STX1A: variants seen among roughly 807,000 people sequenced by gnomAD.
STX1A encodes the protein syntaxin-1A.
Under a neutral mutation model 37.8 loss-of-function variants are expected in STX1A, and 4 were observed. That is an observed-to-expected ratio of 0.11 (90% CI 0.05 to 0.24). The LOEUF (loss-of-function observed/expected upper bound fraction) is 0.24, where lower values mean the gene tolerates loss of function less well. Ranked by LOEUF, STX1A falls within the 10% of genes least tolerant of loss-of-function variation. The probability of loss-of-function intolerance (pLI) is 1.00; values close to 1 mark genes in which losing one functional copy is unlikely to be tolerated. For synonymous variants in STX1A, 135 were observed against 147.4 expected, an observed-to-expected ratio of 0.92 and a Z score of 0.61; for missense variants, 251 against 399.9, an observed-to-expected ratio of 0.63 and a Z score of 3.18.
intron 1 of STX1A, among the ~76,000 whole-genome samples, chr7:73,715,002 G>A (rs782273090): frequency 1.3e-5 from 2 of 152,144 alleles, no homozygotes; most frequent in Non-Finnish European, 1.5e-5. Context: ...GTGCATGCCT[G>A]TAATCCCAGC....
intron 1 of STX1A, among the ~76,000 whole-genome samples, chr7:73,718,360 G>A (rs1244520454): frequency 6.6e-6 from 1 of 152,156 alleles, no homozygotes; most frequent in Non-Finnish European, 1.5e-5. Context: ...GGATGCCCAG[G>A]AGGCAACCAT....
At position 73,717,125 on chromosome 7, in the gene STX1A, G is replaced by A. The variant is rs1435236296; in HGVS notation, c.30+2477C>T. On this transcript the variant is annotated intron_variant, in intron 1 of 9. Coordinates refer to ENST00000222812, the MANE Select transcript of STX1A (RefSeq NM_004603.4). This position sits in a 1 kb window ranked among gnomAD's most constrained non-coding sequence, Gnocchi z 4.1. ...AAACGCGCCAGCTCCTTCCCCAAGT[G>A]TGACTTTTATAAATAAGCTCTCTTC... Among the ~76,000 whole-genome samples the A allele has an allele frequency of 9.3e-5, 14 of 151,258 alleles. No homozygotes were observed. Among genetic ancestry groups the A allele is most frequent in the African/African-American group, 2.7e-4 (11 of 41,198 alleles).
intron 1 of STX1A, 113 bp downstream of exon 1, chr7:73,719,489 G>T: frequency 9.5e-7 from 1 of 1,056,876 alleles, no homozygotes; most frequent in Non-Finnish European, 1.2e-6. Flanking sequence ...TTCAGCCCTG[G>T]CTGGGGGCGC....
chr7:73,716,925 CTT>C (rs879963832), intron 1 of STX1A, among the ~76,000 whole-genome samples: 9 of 152,260 alleles, frequency 5.9e-5, no homozygotes, highest in Admixed American at 4.6e-4. Flanking sequence ...TTCGGTCTCT[CTT>C]TGTTACCTGT....
intron 1 of STX1A, among the ~76,000 whole-genome samples, chr7:73,718,039 C>T (rs1799351116): frequency 6.6e-6 from 1 of 152,182 alleles, no homozygotes; most frequent in African/African-American, 2.4e-5. Flanking sequence ...GGTTCCCACA[C>T]ACACCCTCAG....
chr7:73,703,891 GC>G, intron 6 of STX1A, 63 bp from the exon 7 acceptor site: 4 of 1,548,180 alleles, frequency 2.6e-6, no homozygotes, highest in Non-Finnish European at 2.6e-6. Context: ...GCAGCATTGG[GC>G]CCCGCCCCCT....
At position 73,709,143 on chromosome 7, in the gene STX1A, A is replaced by G. The variant is rs72555385; in HGVS notation, c.31-21T>C. 0.044 allele frequency: 70,491 copies of G among 1,609,984 alleles called. 1,723 individuals carry two copies. Among genetic ancestry groups the G allele is most frequent in the Middle Eastern group, 0.079 (476 of 6,062 alleles). ...TTGGCCTGTGCGGGGTTGTGCACAC[A>G]TAAGTGGACGTATGTACAGGACCCA... is the stretch of plus-strand genomic sequence containing the variant. On this transcript the variant is annotated intron_variant, in intron 1 of 9. Transcript: ENST00000222812. This position sits in a 1 kb window ranked among gnomAD's most constrained non-coding sequence, Gnocchi z 4.2.
rs1315761965 is a variant in STX1A, at chr7:73,706,444, C to T, written c.209-1220G>A. Among the ~76,000 whole-genome samples the T allele has an allele frequency of 2.0e-5, 3 of 152,086 alleles. No individual in the cohort carries two copies. The highest frequency in any genetic ancestry group is 4.8e-5 in the African/African-American group (2 of 41,408). ...GAGCCCCCCACTCATTGCCATCTTTCCTTGAGACTTCTCCTTAACTCTGTG... is the reference window on the plus strand; with the variant it reads ...GAGCCCCCCACTCATTGCCATCTTTTCTTGAGACTTCTCCTTAACTCTGTG... On this transcript the variant is annotated intron_variant, in intron 3 of 9. Coordinates refer to ENST00000222812, the MANE Select transcript of STX1A (RefSeq NM_004603.4). This position sits in a 1 kb window ranked among gnomAD's most constrained non-coding sequence, Gnocchi z 4.6.
chr7:73,711,046 T>G (rs1458215420), intron 1 of STX1A, among the ~76,000 whole-genome samples: 1 of 152,128 alleles, frequency 6.6e-6, no homozygotes, highest in East Asian at 1.9e-4. Flanking sequence ...TGGAGTGCAG[T>G]GGCACAATCA....
chr7:73,705,530 G>C lies in STX1A; in HGVS notation c.209-306C>G. On this transcript the variant is annotated intron_variant, in intron 3 of 9. Transcript: ENST00000222812. The surrounding 1 kb of genome is among the most constrained non-coding windows in gnomAD (Gnocchi z 5.2). ...TTAAGGCAGAAGTAATTGTGGAGCA[G>C]CTGGCGATGCTGGAGTTGGCGCCGG... 3.0e-6 allele frequency: 1 copy of C among 335,478 alleles called. No homozygotes were observed. Among genetic ancestry groups the C allele is most frequent in the Non-Finnish European group, 5.6e-6 (1 of 178,438 alleles). 20.8% of individuals were successfully genotyped at this position (335,478 alleles called of 1,614,324 possible). A position where few individuals can be genotyped will look rare whatever the true frequency, so the allele number is the denominator to read the frequency against.
intron 3 of STX1A, among the ~76,000 whole-genome samples, chr7:73,708,001 C>G (rs1242329961): frequency 6.6e-6 from 1 of 151,268 alleles, no homozygotes; most frequent in African/African-American, 2.4e-5. Context: ...CGCGGTGGCT[C>G]ATGCCTGTAA....
At chr7:73,712,794 C>G (rs1563577967) in intron 1 of STX1A, among the ~76,000 whole-genome samples, 1 of 152,122 alleles carries the variant, frequency 6.6e-6, no homozygotes, top group East Asian at 1.9e-4. Context: ...CTAGATTTTT[C>G]TTTTTAAGTA....
At chr7:73,708,515 T>C in intron 3 of STX1A, 74 bp downstream of exon 3, 1 of 1,447,114 alleles carries the variant, frequency 6.9e-7, no homozygotes, top group Middle Eastern at 1.8e-4. Flanking sequence ...AGAGGTCCCG[T>C]GAGGCCTCCC....
intron 1 of STX1A, among the ~76,000 whole-genome samples, chr7:73,718,180 T>C (rs1799358323): frequency 6.6e-6 from 1 of 152,164 alleles, no homozygotes; most frequent in African/African-American, 2.4e-5. Context: ...GGGAAGTGTT[T>C]AGAGCCCATA....
rs1358591928 is a variant in STX1A at position 73,706,297 on chromosome 7, G to A, written c.209-1073C>T. 6.6e-6 allele frequency among the ~76,000 whole-genome samples: 1 copy of A among 152,152 alleles called. No individual in the cohort carries two copies. The highest frequency in any genetic ancestry group is 2.4e-5 in the African/African-American group (1 of 41,436). On this transcript the variant is annotated intron_variant, in intron 3 of 9. Coordinates refer to ENST00000222812, the MANE Select transcript of STX1A (RefSeq NM_004603.4). This position sits in a 1 kb window ranked among gnomAD's most constrained non-coding sequence, Gnocchi z 4.6. The stretch of plus-strand genomic sequence containing the variant: ...AGGCGCGGAGGAGGGCGCCTCATCC[G>A]TAGGAACAAAGGAAAAGTCGGTTAC...
At position 73,704,427 on chromosome 7, in the gene STX1A, G is replaced by A; in HGVS notation, c.284-4C>T. ...TGCTCGATGGACTGCTCGATGCCTG[G>A]GGGCACAGGTGGCTGCTAAGTCATA... On this transcript the variant is annotated splice_region_variant and splice_polypyrimidine_tract_variant and intron_variant, in intron 4 of 9. Transcript: ENST00000222812. 1 of 1,614,086 alleles carries A rather than the reference G, an allele frequency of 6.2e-7. No individual in the cohort carries two copies. The highest frequency in any genetic ancestry group is 8.5e-7 in the Non-Finnish European group (1 of 1,180,000).
At chr7:73,708,499 G>T in intron 3 of STX1A, 90 bp downstream of exon 3, 1 of 1,269,504 alleles carries the variant, frequency 7.9e-7, no homozygotes, top group Non-Finnish European at 1.1e-6. Flanking sequence ...CAGCCATGAA[G>T]GCTGCAGAGG....
In STX1A at chr7:73,701,893, C is replaced by T. The variant is rs181964888; in HGVS notation, c.678+952G>A. 2.7e-3 allele frequency among the ~76,000 whole-genome samples: 404 copies of T among 152,312 alleles called. 1 individual carries two copies. The highest frequency in any genetic ancestry group is 9.2e-3 in the African/African-American group (384 of 41,566). On this transcript the variant is annotated intron_variant, in intron 8 of 9. Transcript: ENST00000222812. The stretch of plus-strand genomic sequence containing the variant: ...TCACTTGAGCCCAGGAGTTCCGAGA[C>T]CAGCCTGGGCAACACAGCAAGATCC...
At chr7:73,704,562 A>C in intron 4 of STX1A, 139 bp from the exon 5 acceptor site, 1 of 1,061,030 alleles carries the variant, frequency 9.4e-7, no homozygotes, top group Non-Finnish European at 1.4e-6. Flanking sequence ...AGTGCCAGGC[A>C]CCGATGGAGG....
Sources: allele counts gnomAD v4.1 joint callset (sites outside exome capture counted in the v4.1 genomes callset), GRCh38; gene constraint gnomAD v4.1.1; non-coding constraint Gnocchi (gnomAD v3.1); transcripts MANE v1.5; gene names NCBI Gene and HGNC (gene_info 2026-07-23, HGNC 2026-07-21).